PXT1: variants seen among roughly 807,000 people sequenced by gnomAD.
PXT1 encodes peroxisomal testis enriched protein 1.
A neutral mutation model predicts 11.0 loss-of-function variants in PXT1; 11 were observed. The ratio of observed to expected loss-of-function variants is 1.00; its 90% CI spans 0.63 to 1.66. The LOEUF (loss-of-function observed/expected upper bound fraction) is 1.66, where lower values mean the gene tolerates loss of function less well. Among genes scored for constraint, PXT1 ranks in the 40% most tolerant of loss-of-function variants. The pLI is 0.00. For synonymous variants in PXT1, 43 were observed against 51.4 expected, an observed-to-expected ratio of 0.84 and a Z score of 0.70; for missense variants, 141 against 155.5, an observed-to-expected ratio of 0.91 and a Z score of 0.49.
intron 4 of PXT1, 86 bp from the exon 5 acceptor site, chr6:36,391,960 A>C: frequency 1.2e-6 from 1 of 855,796 alleles, no homozygotes; most frequent in Non-Finnish European, 1.9e-6. Flanking sequence ...ATTCAACACA[A>C]TGGAAAATAT....
chr6:36,400,527 T>C lies in PXT1; in HGVS notation c.227A>G (p.Glu76Gly), dbSNP rs908989806. The C allele has an allele frequency of 2.5e-6, 4 of 1,613,880 alleles. No individual in the cohort carries two copies. Among genetic ancestry groups the C allele is most frequent in the Admixed American group, 3.3e-5 (2 of 59,996 alleles). ...CATGGCCAACTTGTGAATTATTTCC[T>C]CCTGGTGATGCTTCTGAACAATGCT... ...EHSIVQKHHQ[E>G]EIIHKLAMQL... The change falls in exon 4 of 5, where the codon GAG becomes GGG. Residue 76 changes from glutamate (E) to glycine (G), a missense_variant. Physicochemically the swap from Glu to Gly is moderately conservative, Grantham distance 98. Transcript: ENST00000454782.
chr6:36,408,413 C>A (rs1046809481), intron 3 of PXT1, among the ~76,000 whole-genome samples: 1 of 151,494 alleles, frequency 6.6e-6, no homozygotes, highest in Non-Finnish European at 1.5e-5. Context: ...CAGGCATGTA[C>A]CACCATGCCC....
chr6:36,393,722 C>A (rs1201703321), intron 4 of PXT1, among the ~76,000 whole-genome samples: 3 of 118,156 alleles, frequency 2.5e-5, no homozygotes, highest in African/African-American at 8.7e-5. Flanking sequence ...TGAGACTATG[C>A]CTCAAAAAAA....
chr6:36,395,047 T>C (rs978578199), intron 4 of PXT1, among the ~76,000 whole-genome samples: 15 of 152,254 alleles, frequency 9.9e-5, no homozygotes, highest in East Asian at 9.7e-4. Context: ...CTCACTATGT[T>C]GCCCAGGCTG....
chr6:36,417,808 A>G (rs943859738), intron 3 of PXT1, among the ~76,000 whole-genome samples: 4 of 151,810 alleles, frequency 2.6e-5, no homozygotes, highest in African/African-American at 9.7e-5. Flanking sequence ...AAAAGAAAAA[A>G]AGAGAGAGAG....
intron 1 of PXT1, among the ~76,000 whole-genome samples, chr6:36,440,883 C>T (rs982709336): frequency 3.9e-5 from 6 of 152,020 alleles, no homozygotes; most frequent in African/African-American, 1.2e-4. Flanking sequence ...TTTCTGTATG[C>T]TTTAATTTCC....
chr6:36,401,699 A>C (rs1187832758), intron 3 of PXT1, among the ~76,000 whole-genome samples: 1 of 151,806 alleles, frequency 6.6e-6, no homozygotes, highest in Non-Finnish European at 1.5e-5. Flanking sequence ...ATCAATGATC[A>C]GTTTTCAAAT....
chr6:36,433,663 C>CAA (rs1179555087), intron 2 of PXT1, among the ~76,000 whole-genome samples: 2 of 140,194 alleles, frequency 1.4e-5, no homozygotes, highest in African/African-American at 2.6e-5. Flanking sequence ...CCAAAAAATA[C>CAA]AAAAAAAAAA....
chr6:36,425,350 A>G (rs1300000062), intron 3 of PXT1, among the ~76,000 whole-genome samples: 1 of 152,232 alleles, frequency 6.6e-6, no homozygotes, highest in African/African-American at 2.4e-5. Flanking sequence ...ATTTGGGATT[A>G]CCTTAATTGG....
At chr6:36,430,102 G>A (rs1774671316) in intron 2 of PXT1, among the ~76,000 whole-genome samples, 1 of 151,986 alleles carries the variant, frequency 6.6e-6, no homozygotes, top group South Asian at 2.1e-4. Context: ...AGCTACTTGG[G>A]AGGCTGAGGC....
At chr6:36,435,209 A>G (rs748658538) in intron 2 of PXT1, among the ~76,000 whole-genome samples, 21 of 152,142 alleles carry the variant, frequency 1.4e-4, no homozygotes, top group Non-Finnish European at 2.4e-4. Flanking sequence ...GAGGCTGAGG[A>G]GGGAAGATTG....
intron 3 of PXT1, among the ~76,000 whole-genome samples, chr6:36,408,699 C>A (rs1774324597): frequency 1.6e-5 from 1 of 62,160 alleles, no homozygotes; most frequent in Admixed American, 1.9e-4. Flanking sequence ...GAGCCTGTCT[C>A]TACCAAAAAA....
chr6:36,406,947 A>T (rs534705253), intron 3 of PXT1, among the ~76,000 whole-genome samples: 1 of 152,210 alleles, frequency 6.6e-6, no homozygotes. Context: ...ACTGAAGTAG[A>T]TTTCTCTTCC....
chr6:36,391,634 G>A lies in PXT1; in HGVS notation c.*136C>T, dbSNP rs1268241711. On this transcript the variant is annotated 3_prime_UTR_variant, in exon 5 of 5. Transcript: ENST00000454782. Reference sequence around the variant, plus strand: ...TGAACCCGCAGTTCTTCAACAAACTGGGTGTAGACCAACAGTGATGGGTAC... The same window carrying A: ...TGAACCCGCAGTTCTTCAACAAACTAGGTGTAGACCAACAGTGATGGGTAC... 6 of 702,316 alleles carry A rather than the reference G, an allele frequency of 8.5e-6. No individual in the cohort carries two copies. The highest frequency in any genetic ancestry group is 1.5e-5 in the Non-Finnish European group (6 of 392,074). The allele number at this position is 702,316 out of a possible 1,614,324, so 43.5% of individuals were successfully genotyped here. A position where few individuals can be genotyped will look rare whatever the true frequency, so the allele number is the denominator to read the frequency against.
At chr6:36,431,985 C>T (rs1194388719) in intron 2 of PXT1, among the ~76,000 whole-genome samples, 1 of 152,088 alleles carries the variant, frequency 6.6e-6, no homozygotes, top group East Asian at 1.9e-4. Context: ...GCGGGAGAAT[C>T]GCTTGAACCT....
intron 3 of PXT1, 37 bp from the exon 4 acceptor site, chr6:36,400,621 C>T (rs1421520516): frequency 6.3e-7 from 1 of 1,583,076 alleles, no homozygotes; most frequent in Non-Finnish European, 8.6e-7. Context: ...GAGATAATCC[C>T]ACTTAATTAT....
chr6:36,441,552 C>CT (rs1183480854), intron 1 of PXT1, among the ~76,000 whole-genome samples: 1 of 152,158 alleles, frequency 6.6e-6, no homozygotes, highest in Non-Finnish European at 1.5e-5. Flanking sequence ...TCTAGCTCTT[C>CT]TGCCAGCCCG....
intron 2 of PXT1, among the ~76,000 whole-genome samples, chr6:36,430,057 C>T (rs529081375): frequency 3.3e-5 from 5 of 151,878 alleles, no homozygotes; most frequent in Admixed American, 3.3e-4. Context: ...AAGTACAAAA[C>T]TTGGCCAGGC....
At chr6:36,417,698 G>A (rs1441758841) in intron 3 of PXT1, among the ~76,000 whole-genome samples, 6 of 149,640 alleles carry the variant, frequency 4.0e-5, no homozygotes, top group African/African-American at 1.2e-4. Flanking sequence ...AGCCCAGGAG[G>A]TCAAGGCTGC....
Sources: allele counts gnomAD v4.1 joint callset (sites outside exome capture counted in the v4.1 genomes callset), GRCh38; gene constraint gnomAD v4.1.1; transcripts MANE v1.5; gene names NCBI Gene and HGNC (gene_info 2026-07-23, HGNC 2026-07-21).